The following RPL39L variants were observed in gnomAD, a reference collection of about 807,000 sequenced individuals.
RPL39L encodes ribosomal protein eL39-like 2.
For missense variants in RPL39L, 48 were observed against 58.9 expected, an observed-to-expected ratio of 0.81 and a Z score of 0.61; for synonymous variants, 16 against 20.1, an observed-to-expected ratio of 0.80 and a Z score of 0.55.
chr3:187,132,727 A>G (rs1477803783), intron 1 of RPL39L, among the ~76,000 whole-genome samples: 2 of 152,190 alleles, frequency 1.3e-5, no homozygotes, highest in African/African-American at 4.8e-5. Context: ...CTATGCCAAC[A>G]ACCAGAAGAA....
intron 2 of RPL39L, among the ~76,000 whole-genome samples, chr3:187,127,266 T>C (rs942273202): frequency 1.3e-5 from 2 of 151,560 alleles, no homozygotes; most frequent in Admixed American, 1.3e-4. Flanking sequence ...TTGCTTTACA[T>C]TTTTATCATA....
chr3:187,125,070 G>A (rs1460583014), intron 2 of RPL39L, among the ~76,000 whole-genome samples: 1 of 152,120 alleles, frequency 6.6e-6, no homozygotes, highest in South Asian at 2.1e-4. Context: ...AAGGGAGGAG[G>A]AGCATGTGCT....
chr3:187,137,132 G>T (rs1306597154), intron 1 of RPL39L, among the ~76,000 whole-genome samples: 1 of 144,266 alleles, frequency 6.9e-6, no homozygotes, highest in Non-Finnish European at 1.5e-5. Flanking sequence ...CCGAGGAGAT[G>T]AGGTTGTAGT....
chr3:187,121,496 C>T (rs911952983), intron 2 of RPL39L, among the ~76,000 whole-genome samples, 168 bp from the exon 3 acceptor site: 8 of 152,162 alleles, frequency 5.3e-5, no homozygotes, highest in South Asian at 2.1e-4. Flanking sequence ...GAGCCAGCAG[C>T]GGTCTGAGGA....
intron 1 of RPL39L, among the ~76,000 whole-genome samples, chr3:187,128,458 C>T (rs1241047524): frequency 6.6e-6 from 1 of 152,126 alleles, no homozygotes; most frequent in Non-Finnish European, 1.5e-5. Context: ...TATACAAGCC[C>T]TCCTCACCTT....
rs1356912029 is a variant in RPL39L, at chr3:187,121,236, G to C, written c.65C>G (p.Pro22Arg). The change falls in exon 3 of 3, where the codon CCC (proline) becomes CGC (arginine). Residue 22 changes from proline (P) to arginine (R), a missense_variant. Coordinates refer to ENST00000296277, the MANE Select transcript of RPL39L (RefSeq NM_052969.3). ...TTTCATCTGAATCCACTGGGGGATG[G>C]GACGATTTTGCTTTTGTTTCTTGGC... is the stretch of plus-strand genomic sequence containing the variant. ...FLAKKQKQNR[P>R]IPQWIQMKPG... 6.2e-7 allele frequency: 1 copy of C among 1,613,924 alleles called. No homozygotes were observed. Among genetic ancestry groups the C allele is most frequent in the Non-Finnish European group, 8.5e-7 (1 of 1,179,854 alleles).
At chr3:187,121,647 C>T (rs1720311514) in intron 2 of RPL39L, among the ~76,000 whole-genome samples, 1 of 152,088 alleles carries the variant, frequency 6.6e-6, no homozygotes, top group Non-Finnish European at 1.5e-5. Flanking sequence ...TTATTTTCAA[C>T]TTTAAAAAAG....
chr3:187,121,327 C>A lies in RPL39L; in HGVS notation c.-27G>T, dbSNP rs751913165. On this transcript the variant is annotated splice_region_variant and 5_prime_UTR_variant, in exon 3 of 3. Coordinates refer to ENST00000296277, the MANE Select transcript of RPL39L (RefSeq NM_052969.3). Reference sequence around the variant, plus strand: ...GCGAGAAACAGAGTCAACCACACACCACTATGGCGGAGAAAGGGAGAGAGA... The same window carrying A: ...GCGAGAAACAGAGTCAACCACACACAACTATGGCGGAGAAAGGGAGAGAGA... The A allele has an allele frequency of 2.5e-6, 4 of 1,612,840 alleles. No homozygotes were observed. The highest frequency in any genetic ancestry group is 2.2e-5 in the East Asian group (1 of 44,874).
At chr3:187,131,291 C>T (rs1005661998) in intron 1 of RPL39L, among the ~76,000 whole-genome samples, 1 of 152,074 alleles carries the variant, frequency 6.6e-6, no homozygotes, top group Non-Finnish European at 1.5e-5. Flanking sequence ...GAGGCAGGCA[C>T]ATCACCTGCC....
At chr3:187,128,606 C>T (rs1351389433) in intron 1 of RPL39L, among the ~76,000 whole-genome samples, 4 of 152,144 alleles carry the variant, frequency 2.6e-5, no homozygotes, top group African/African-American at 7.2e-5. Context: ...AATGCCTGGC[C>T]TCGAGTAATC....
At position 187,121,114 on chromosome 3, in the gene RPL39L, TA is replaced by T; in HGVS notation, c.*30del. 6.2e-7 allele frequency: 1 copy of T among 1,610,726 alleles called. No individual in the cohort carries two copies. The highest frequency in any genetic ancestry group is 8.5e-7 in the Non-Finnish European group (1 of 1,178,352). On this transcript the variant is annotated 3_prime_UTR_variant, in exon 3 of 3. Coordinates refer to ENST00000296277, the MANE Select transcript of RPL39L (RefSeq NM_052969.3). ...AGATGATCGTGAACTTGATACAGCA[TA>T]AATATGTGTGCCATCTCATGTGCAA...
At chr3:187,132,092 T>C (rs1042258022) in intron 1 of RPL39L, among the ~76,000 whole-genome samples, 25 of 152,156 alleles carry the variant, frequency 1.6e-4, no homozygotes, top group African/African-American at 5.8e-4. Context: ...CCATTAGTTA[T>C]GGTTGCAGGG....
intron 1 of RPL39L, among the ~76,000 whole-genome samples, chr3:187,137,313 A>T (rs1001847929): frequency 6.6e-6 from 1 of 151,456 alleles, no homozygotes; most frequent in Non-Finnish European, 1.5e-5. Flanking sequence ...GTTCCAGACC[A>T]GCCTGGCCAA....
intron 2 of RPL39L, among the ~76,000 whole-genome samples, chr3:187,126,822 G>A (rs1178799273): frequency 6.6e-6 from 1 of 152,036 alleles, no homozygotes; most frequent in Non-Finnish European, 1.5e-5. Context: ...CAAAACCCTG[G>A]GTTCATATAA....
chr3:187,121,100 A>C lies in RPL39L; in HGVS notation c.*45T>G. 1 of 1,603,842 alleles carries C rather than the reference A, an allele frequency of 6.2e-7. No homozygotes were observed. The highest frequency in any genetic ancestry group is 8.5e-7 in the Non-Finnish European group (1 of 1,172,934). On this transcript the variant is annotated 3_prime_UTR_variant, in exon 3 of 3. Coordinates refer to ENST00000296277, the MANE Select transcript of RPL39L (RefSeq NM_052969.3). ...AGCTTGATATCGTAAGATGATCGTG[A>C]ACTTGATACAGCATAAATATGTGTG... is the stretch of plus-strand genomic sequence containing the variant.
At position 187,138,912 on chromosome 3, in the gene RPL39L, A is replaced by C. The variant is rs562452831; in HGVS notation, c.-93+301T>G. Among the ~76,000 whole-genome samples, 34 of 152,220 alleles carry C rather than the reference A, an allele frequency of 2.2e-4. 1 individual carries two copies. The East Asian group carries it at 6.2e-3, about 28-fold the overall frequency. ...CGTCTTTACTAAAAATACAAAAATT[A>C]GCCGAGTGTGGTGGCGCGCGCCTGT... On this transcript the variant is annotated intron_variant, in intron 1 of 2. Transcript: ENST00000296277.
At chr3:187,133,438 T>A (rs1560201406) in intron 1 of RPL39L, among the ~76,000 whole-genome samples, 1 of 152,112 alleles carries the variant, frequency 6.6e-6, no homozygotes, top group Non-Finnish European at 1.5e-5. Flanking sequence ...TTCTGCCAGA[T>A]TGTAAGTATC....
At chr3:187,123,778 A>T (rs1338373928) in intron 2 of RPL39L, among the ~76,000 whole-genome samples, 1 of 152,202 alleles carries the variant, frequency 6.6e-6, no homozygotes, top group African/African-American at 2.4e-5. Flanking sequence ...TAGGACAAAT[A>T]GTTTACTGTA....
chr3:187,132,519 A>C (rs74473958), intron 1 of RPL39L, among the ~76,000 whole-genome samples: 2,721 of 152,284 alleles, frequency 0.018, 85 homozygotes, highest in African/African-American at 0.062. Context: ...CAGATGCTGA[A>C]ATGATTTTCC....
Sources: gnomAD v4.1 joint callset for allele counts (sites outside exome capture counted in the v4.1 genomes callset) on GRCh38, gnomAD v4.1.1 for gene constraint, MANE v1.5 for transcripts, NCBI Gene and HGNC (gene_info 2026-07-23, HGNC 2026-07-21) for gene names.